CDH12: variants seen among roughly 807,000 people sequenced by gnomAD.
The protein encoded by CDH12 is cadherin 12, also known as cadherin-12.
In CDH12, 41 loss-of-function variants were observed where a neutral mutation model predicts 74.1. The ratio of observed to expected loss-of-function variants is 0.55; its 90% CI spans 0.43 to 0.72. The LOEUF (loss-of-function observed/expected upper bound fraction) is 0.72. Ranked by LOEUF, CDH12 falls within the 30% of genes least tolerant of loss-of-function variation. The pLI is 0.00. For synonymous variants in CDH12, 399 were observed against 355.0 expected, an observed-to-expected ratio of 1.12 and a Z score of -1.39; for missense variants, 945 against 977.2, an observed-to-expected ratio of 0.97 and a Z score of 0.44.
At chr5:22,740,016 T>C (rs940704463) in intron 1 of CDH12, among the ~76,000 whole-genome samples, 5 of 152,152 alleles carry the variant, frequency 3.3e-5, no homozygotes, top group African/African-American at 1.2e-4. Context: ...CAAATTCAAA[T>C]GAAACTTGTG....
intron 2 of CDH12, among the ~76,000 whole-genome samples, chr5:22,466,303 GTTTGT>G (rs1745726001): frequency 6.6e-6 from 1 of 152,120 alleles, no homozygotes; most frequent in Admixed American, 6.5e-5. Flanking sequence ...TTGTTTGCTT[GTTTGT>G]TTTCAGTTTT....
At chr5:21,940,602 C>T (rs1755285640) in intron 6 of CDH12, among the ~76,000 whole-genome samples, 1 of 152,092 alleles carries the variant, frequency 6.6e-6, no homozygotes, top group Non-Finnish European at 1.5e-5. Flanking sequence ...TTTCAGAAAC[C>T]ATTTTAGTAT....
intron 4 of CDH12, among the ~76,000 whole-genome samples, chr5:22,109,220 T>G (rs759343102): frequency 6.6e-6 from 1 of 152,172 alleles, no homozygotes; most frequent in Non-Finnish European, 1.5e-5. Flanking sequence ...TGAACCATGT[T>G]TTCAAGGATG....
intron 1 of CDH12, among the ~76,000 whole-genome samples, chr5:22,595,338 C>A (rs922768382): frequency 3.9e-5 from 6 of 152,098 alleles, no homozygotes; most frequent in Admixed American, 3.9e-4. Context: ...CCAAGTCAAA[C>A]ACAGACACAA....
intron 4 of CDH12, among the ~76,000 whole-genome samples, chr5:22,093,710 CTA>C (rs1160698017): frequency 1.3e-5 from 2 of 152,006 alleles, no homozygotes; most frequent in Non-Finnish European, 2.9e-5. Context: ...GGTTGCAACA[CTA>C]TGTGAATATA....
intron 6 of CDH12, among the ~76,000 whole-genome samples, chr5:21,897,898 A>G (rs1753197402): frequency 1.3e-5 from 2 of 152,156 alleles, no homozygotes; most frequent in South Asian, 4.1e-4. Flanking sequence ...ATTATATTAC[A>G]GAACACAATG....
chr5:22,548,965 G>A (rs528871767), intron 1 of CDH12, among the ~76,000 whole-genome samples: 1 of 151,792 alleles, frequency 6.6e-6, no homozygotes, highest in African/African-American at 2.4e-5. Context: ...TAAGTGACAG[G>A]GTCTCGCTCT....
intron 2 of CDH12, among the ~76,000 whole-genome samples, chr5:22,429,109 ATTT>A (rs1166876823): frequency 0.016 from 2,391 of 149,210 alleles, 54 homozygotes; most frequent in African/African-American, 0.055. Flanking sequence ...ATTCTATTTT[ATTT>A]TATTTTATTT....
intron 3 of CDH12, among the ~76,000 whole-genome samples, chr5:22,331,052 G>A (rs1739329650): frequency 1.3e-5 from 2 of 152,252 alleles, no homozygotes; most frequent in East Asian, 3.9e-4. Flanking sequence ...GTGGCCACAA[G>A]GAGAGGCTCC....
chr5:22,639,050 C>CAAAAAAAAAAA lies in CDH12; in HGVS notation c.-522-133697_-522-133687dup, dbSNP rs545549665. ...TGGGCGTCAGAGTGAGAGTCCGCCT[C>CAAAAAAAAAAA]AAAAAAAAAAAAAAAAAAAAAAAAA... On this transcript the variant is annotated intron_variant, in intron 1 of 14. Transcript: ENST00000382254. 25 of 64,264 alleles carry CAAAAAAAAAAA rather than the reference C, an allele frequency of 3.9e-4. 1 individual carries two copies. The highest frequency in any genetic ancestry group is 1.1e-3 in the African/African-American group (20 of 18,466). 4.0% of individuals were successfully genotyped at this position (64,264 alleles called of 1,614,324 possible).
intron 2 of CDH12, among the ~76,000 whole-genome samples, chr5:22,463,592 G>C (rs561963869): frequency 6.6e-6 from 1 of 151,990 alleles, no homozygotes; most frequent in African/African-American, 2.4e-5. Flanking sequence ...ATTAAATGAG[G>C]TATAAAGTTG....
intron 1 of CDH12, among the ~76,000 whole-genome samples, chr5:22,671,810 G>T (rs1740912524): frequency 6.6e-6 from 1 of 151,404 alleles, no homozygotes; most frequent in Non-Finnish European, 1.5e-5. Context: ...AAATACTCTA[G>T]GCAACTATTA....
chr5:22,694,292 G>T (rs1422910418), intron 1 of CDH12, among the ~76,000 whole-genome samples: 6 of 152,098 alleles, frequency 3.9e-5, no homozygotes, highest in Non-Finnish European at 7.4e-5. Context: ...TTTTGAGAAT[G>T]ATCACATTTT....
chr5:22,723,325 T>A (rs1190223019), intron 1 of CDH12, among the ~76,000 whole-genome samples: 2 of 152,130 alleles, frequency 1.3e-5, no homozygotes, highest in African/African-American at 4.8e-5. Context: ...TTACTTTGTA[T>A]GAAAAGTACA....
chr5:21,803,072 C>G (rs1411714291), intron 9 of CDH12, among the ~76,000 whole-genome samples: 1 of 151,802 alleles, frequency 6.6e-6, no homozygotes, highest in Non-Finnish European at 1.5e-5. Flanking sequence ...CTGCTCTTAT[C>G]CAATACTGAC....
In CDH12 at chr5:21,880,509, C is replaced by CTTT. The variant is rs1752201544; in HGVS notation, c.527-25720_527-25719insAAA. On this transcript the variant is annotated intron_variant, in intron 6 of 14. Coordinates refer to ENST00000382254, the MANE Select transcript of CDH12 (RefSeq NM_004061.5). ...TTCCTTCCTTCCTTCCTTCCTCCCT[C>CTTT]CCTCCCTCTTTTCTTTCTTCCTTCT... is the stretch of plus-strand genomic sequence containing the variant. Among the ~76,000 whole-genome samples the CTTT allele has an allele frequency of 2.7e-5, 2 of 75,026 alleles. 1 individual carries two copies. Among genetic ancestry groups the CTTT allele is most frequent in the Non-Finnish European group, 5.3e-5 (2 of 37,906 alleles). The allele number at this position is 75,026 out of a possible 152,430, so 49.2% of individuals were successfully genotyped here. A position where few individuals can be genotyped will look rare whatever the true frequency, so the allele number is the denominator to read the frequency against.
At chr5:22,693,926 A>C (rs1039075710) in intron 1 of CDH12, among the ~76,000 whole-genome samples, 2 of 151,896 alleles carry the variant, frequency 1.3e-5, no homozygotes, top group Non-Finnish European at 2.9e-5. Flanking sequence ...AATTTAAAAA[A>C]AAAATTATTT....
intron 1 of CDH12, among the ~76,000 whole-genome samples, chr5:22,791,386 C>G (rs1313398793): frequency 4.6e-5 from 7 of 152,018 alleles, no homozygotes; most frequent in Admixed American, 1.3e-4. Flanking sequence ...TGGAGCACAA[C>G]CATGAAGTAT....
chr5:22,304,482 T>A (rs1738022819), intron 3 of CDH12, among the ~76,000 whole-genome samples: 1 of 152,158 alleles, frequency 6.6e-6, no homozygotes, highest in Non-Finnish European at 1.5e-5. Context: ...TCCAATCTAT[T>A]AACTAATGAA....
Sources: gnomAD v4.1 joint callset for allele counts (sites outside exome capture counted in the v4.1 genomes callset) on GRCh38, gnomAD v4.1.1 for gene constraint, MANE v1.5 for transcripts, NCBI Gene and HGNC (gene_info 2026-07-23, HGNC 2026-07-21) for gene names.